The following KIAA0586 variants were observed in gnomAD, a reference collection of about 807,000 sequenced individuals.
KIAA0586 encodes the protein KIAA0586, also known as protein TALPID3.
In KIAA0586, 144 loss-of-function variants were observed where a neutral mutation model predicts 169.8. The observed-to-expected ratio is 0.85, with a 90% CI of 0.74 to 0.97. The LOEUF is 0.97. KIAA0586 is among the 50% of genes least tolerant of loss of function. KIAA0586 has a pLI of 0.00. For synonymous variants in KIAA0586, 625 were observed against 612.4 expected, an observed-to-expected ratio of 1.02 and a Z score of -0.30; for missense variants, 1,854 against 1,823.0, an observed-to-expected ratio of 1.02 and a Z score of -0.31.
chr14:58,544,231 G>A (rs911512568), intron 30 of KIAA0586, among the ~76,000 whole-genome samples: 3 of 152,046 alleles, frequency 2.0e-5, no homozygotes, highest in African/African-American at 7.2e-5. Context: ...GGTATTCCTT[G>A]GTATACATGT....
At chr14:58,544,832 C>G (rs1417060119) in intron 30 of KIAA0586, among the ~76,000 whole-genome samples, 3 of 152,210 alleles carry the variant, frequency 2.0e-5, no homozygotes. Context: ...CCTGGCCTTG[C>G]TTATCTCACC....
downstream of KIAA0586, among the ~76,000 whole-genome samples, chr14:58,554,506 A>T (rs1240114125): frequency 6.6e-6 from 1 of 152,198 alleles, no homozygotes; most frequent in East Asian, 1.9e-4. Flanking sequence ...GACAAAAAAT[A>T]GTTCTTGGTA....
At chr14:58,438,512 T>C (rs1396194397) in intron 4 of KIAA0586, among the ~76,000 whole-genome samples, 1 of 152,164 alleles carries the variant, frequency 6.6e-6, no homozygotes, top group Non-Finnish European at 1.5e-5. Context: ...CTGCTACCAT[T>C]CCCAACCCCA....
chr14:58,477,250 A>T lies in KIAA0586; in HGVS notation c.2944+9A>T, dbSNP rs1160390520. 7.1e-7 allele frequency: 1 copy of T among 1,415,298 alleles called. No homozygotes were observed. The highest frequency in any genetic ancestry group is 2.5e-5 in the East Asian group (1 of 40,782). 87.7% of individuals were successfully genotyped at this position (1,415,298 alleles called of 1,614,324 possible). On this transcript the variant is annotated intron_variant, in intron 20 of 30. Transcript: ENST00000652326. ...ACTGACTTCTGACATTGGTAAGTGA[A>T]ATAGAATTTTTTTTTGTTTTTATTA...
chr14:58,561,437 G>A, the KIAA0586 span, among the ~76,000 whole-genome samples: 1 of 152,106 alleles, frequency 6.6e-6, no homozygotes, highest in Admixed American at 6.5e-5. Context: ...CTAATTTGTA[G>A]CCTTGTGAAA....
At chr14:58,499,495 G>A (rs1387358868) in intron 27 of KIAA0586, among the ~76,000 whole-genome samples, 2 of 151,830 alleles carry the variant, frequency 1.3e-5, no homozygotes, top group East Asian at 1.9e-4. Context: ...CTCGTGATCC[G>A]CCCTCCATGG....
At chr14:58,509,451 G>GA (rs1207212584) in intron 28 of KIAA0586, among the ~76,000 whole-genome samples, 1 of 152,110 alleles carries the variant, frequency 6.6e-6, no homozygotes, top group African/African-American at 2.4e-5. Context: ...CTTGTGTACT[G>GA]AAAAAATAGG....
intron 3 of KIAA0586, 77 bp from the exon 4 acceptor site, chr14:58,432,311 A>T: frequency 2.3e-6 from 2 of 881,602 alleles, no homozygotes; most frequent in Non-Finnish European, 3.5e-6. Context: ...TAGTTAAAAA[A>T]GATTTTTTTA....
In KIAA0586 at chr14:58,466,004, T is replaced by C. The variant is rs773868902; in HGVS notation, c.2229T>C (p.His743=). 1.2e-6 allele frequency: 2 copies of C among 1,609,078 alleles called. No individual in the cohort carries two copies. Among genetic ancestry groups the C allele is most frequent in the Admixed American group, 3.4e-5 (2 of 59,002 alleles). Residue 743 remains histidine (H), a synonymous_variant, in exon 15 of 31, where the codon CAT becomes CAC. Coordinates refer to ENST00000652326, the MANE Select transcript of KIAA0586 (RefSeq NM_001329943.3). ...CTTTTTCAGGTACATTGGAAGGTCA[T>C]CTGATTCCTATGGCAATTCTTTTAG... ...MPTFSGTLEG[H]LIPMAILLGQ... is the part of the protein sequence containing the mutation.
intron 29 of KIAA0586, among the ~76,000 whole-genome samples, chr14:58,515,840 T>C (rs8019414): frequency 0.016 from 2,445 of 152,168 alleles, 63 homozygotes; most frequent in African/African-American, 0.056. Flanking sequence ...GTTTTGTTTC[T>C]ACCTAGGATG....
intron 29 of KIAA0586, among the ~76,000 whole-genome samples, chr14:58,532,234 G>A (rs2046022092): frequency 6.6e-6 from 1 of 151,932 alleles, no homozygotes; most frequent in African/African-American, 2.4e-5. Context: ...TGTGTATGCA[G>A]CAGACAAGAG....
At position 58,448,367 on chromosome 14, in the gene KIAA0586, A is replaced by G. The variant is rs2039080250; in HGVS notation, c.835A>G (p.Thr279Ala). 6.2e-7 allele frequency: 1 copy of G among 1,600,708 alleles called. No homozygotes were observed. The highest frequency in any genetic ancestry group is 1.1e-5 in the South Asian group (1 of 90,288). The change falls in exon 7 of 31, where the codon ACT (threonine) becomes GCT (alanine). Residue 279 changes from threonine (T) to alanine (A), a missense_variant. Coordinates refer to ENST00000652326, the MANE Select transcript of KIAA0586 (RefSeq NM_001329943.3). ...TCATTTTATTAGTGCTGCACTCAAG[A>G]CTAGTAGTTTTCAGCCTGTTAGTAT... ...QTHFISAALKTSSFQPVSMPS... is the reference protein window; with the variant it reads ...QTHFISAALKASSFQPVSMPS...
In KIAA0586 at chr14:58,548,679, T is replaced by C. The variant is rs947924379; in HGVS notation, c.*747T>C. 3 of 152,180 alleles carry C rather than the reference T, an allele frequency of 2.0e-5. No homozygotes were observed. The highest frequency in any genetic ancestry group is 7.2e-5 in the African/African-American group (3 of 41,448). The allele number at this position is 152,180 out of a possible 1,614,324, so 9.4% of individuals were successfully genotyped here. ...CTATGTATTTGAACTTCAGTTGTGA[T>C]AGAAAAAAATCATCAGTGAGATTAA... On this transcript the variant is annotated 3_prime_UTR_variant, in exon 31 of 31. Coordinates refer to ENST00000652326, the MANE Select transcript of KIAA0586 (RefSeq NM_001329943.3).
At chr14:58,530,371 C>G (rs140015036) in intron 29 of KIAA0586, among the ~76,000 whole-genome samples, 9 of 152,180 alleles carry the variant, frequency 5.9e-5, no homozygotes, top group African/African-American at 2.2e-4. Flanking sequence ...CTAAAAAGAG[C>G]CCATATAGCC....
In KIAA0586 at chr14:58,488,260, T is replaced by A. The variant is rs2141197666; in HGVS notation, c.3527+151T>A. 5.7e-6 allele frequency: 4 copies of A among 696,820 alleles called. No homozygotes were observed. The South Asian group carries it at 8.9e-5, about 15-fold the overall frequency. 43.2% of individuals were successfully genotyped at this position (696,820 alleles called of 1,614,324 possible). On this transcript the variant is annotated intron_variant, in intron 23 of 30. Coordinates refer to ENST00000652326, the MANE Select transcript of KIAA0586 (RefSeq NM_001329943.3). ...AAAGAACTTTCATAAGTGTTGAGTTTTGAAAAATTATCAAATTATACCTTC... is the reference window on the plus strand; with the variant it reads ...AAAGAACTTTCATAAGTGTTGAGTTATGAAAAATTATCAAATTATACCTTC...
At chr14:58,438,197 G>T (rs542342903) in intron 4 of KIAA0586, among the ~76,000 whole-genome samples, 1 of 152,112 alleles carries the variant, frequency 6.6e-6, no homozygotes, top group African/African-American at 2.4e-5. Context: ...TAATGGGAGG[G>T]TTATGTGCAT....
At chr14:58,504,202 C>CGTCTA (rs2043775637) in intron 27 of KIAA0586, among the ~76,000 whole-genome samples, 1 of 152,096 alleles carries the variant, frequency 6.6e-6, no homozygotes, top group South Asian at 2.1e-4. Flanking sequence ...CCTGATTAGA[C>CGTCTA]AACCATTAAA....
chr14:58,555,230 A>G (rs1362734599), downstream of KIAA0586, among the ~76,000 whole-genome samples: 1 of 150,456 alleles, frequency 6.6e-6, no homozygotes, highest in Non-Finnish European at 1.5e-5. Flanking sequence ...CCTCCCAAGT[A>G]ACTGGGATTA....
chr14:58,465,933 C>T lies in KIAA0586; in HGVS notation c.2158C>T (p.His720Tyr), dbSNP rs757373300. 6.2e-7 allele frequency: 1 copy of T among 1,612,744 alleles called. No homozygotes were observed. Among genetic ancestry groups the T allele is most frequent in the African/African-American group, 1.3e-5 (1 of 75,046 alleles). Reference sequence around the variant, plus strand: ...GAAACATTCTGTTCCTGTGTTACCTCATGGCGATCAGCAATATTTGTTCAG... The same window carrying T: ...GAAACATTCTGTTCCTGTGTTACCTTATGGCGATCAGCAATATTTGTTCAG... ...KMKHSVPVLP[H>Y]GDQQYLFSPS... Residue 720 changes from histidine to tyrosine, a missense_variant, in exon 15 of 31, where the codon CAT becomes TAT. Transcript: ENST00000652326.
Sources: gnomAD v4.1 joint callset for allele counts (sites outside exome capture counted in the v4.1 genomes callset) on GRCh38, gnomAD v4.1.1 for gene constraint, MANE v1.5 for transcripts, NCBI Gene and HGNC (gene_info 2026-07-23, HGNC 2026-07-21) for gene names.